PPP2R3A: variants seen among roughly 807,000 people sequenced by gnomAD.
The protein encoded by PPP2R3A is serine/threonine-protein phosphatase 2A regulatory subunit B'' subunit alpha.
In PPP2R3A, 80 loss-of-function variants were observed where a neutral mutation model predicts 106.9. The ratio of observed to expected loss-of-function variants is 0.75; its 90% CI spans 0.62 to 0.90. PPP2R3A has a LOEUF of 0.90. Ranked by LOEUF, PPP2R3A falls within the 40% of genes least tolerant of loss-of-function variation. The pLI is 0.00. For synonymous variants in PPP2R3A, 483 were observed against 468.3 expected, an observed-to-expected ratio of 1.03 and a Z score of -0.41; for missense variants, 1,386 against 1,350.4, an observed-to-expected ratio of 1.03 and a Z score of -0.41.
In PPP2R3A at chr3:136,057,538, A is replaced by G. The variant is rs764817140; in HGVS notation, c.2469+8177A>G. 6.9e-4 allele frequency among the ~76,000 whole-genome samples: 105 copies of G among 152,128 alleles called. 3 individuals carry two copies. The highest frequency in any genetic ancestry group is 1.4e-3 in the Non-Finnish European group (93 of 67,988). ...GGGGAGGGAGAAGATGAAGGGAAAA[A>G]GAGAATATAAATGTATTTATTACCA... is the stretch of plus-strand genomic sequence containing the variant. On this transcript the variant is annotated intron_variant, in intron 5 of 13. Transcript: ENST00000264977.
At chr3:136,125,391 T>G (rs1258716370) in intron 13 of PPP2R3A, among the ~76,000 whole-genome samples, 1 of 152,072 alleles carries the variant, frequency 6.6e-6, no homozygotes, top group Non-Finnish European at 1.5e-5. Context: ...TGTCCAATAT[T>G]TAAGGGAAAA....
At chr3:136,071,137 G>A (rs1936417544) in intron 6 of PPP2R3A, among the ~76,000 whole-genome samples, 2 of 152,246 alleles carry the variant, frequency 1.3e-5, no homozygotes, top group Admixed American at 6.5e-5. Flanking sequence ...CATGCACTCT[G>A]CTCTAGCTCC....
intron 13 of PPP2R3A, among the ~76,000 whole-genome samples, chr3:136,129,242 T>G (rs1209742684): frequency 1.3e-5 from 2 of 151,672 alleles, no homozygotes; most frequent in Non-Finnish European, 2.9e-5. Context: ...GGTGGTTTTT[T>G]GAAAAAATCA....
intron 1 of PPP2R3A, among the ~76,000 whole-genome samples, chr3:135,989,716 A>G (rs16843600): frequency 0.023 from 3,551 of 152,198 alleles, 157 homozygotes; most frequent in African/African-American, 0.079. Flanking sequence ...CTTACCATAC[A>G]GCCTAACTTG....
intron 1 of PPP2R3A, among the ~76,000 whole-genome samples, chr3:135,967,800 T>C (rs748636315): frequency 6.6e-6 from 1 of 152,228 alleles, no homozygotes; most frequent in Non-Finnish European, 1.5e-5. Flanking sequence ...TTGAGTGTTA[T>C]CGTCCTCTGA....
intron 5 of PPP2R3A, among the ~76,000 whole-genome samples, chr3:136,059,679 A>G (rs1382241653): frequency 3.3e-5 from 5 of 152,244 alleles, no homozygotes; most frequent in Non-Finnish European, 7.3e-5. Context: ...CATGCCATGT[A>G]TGTTCATTGC....
intron 8 of PPP2R3A, among the ~76,000 whole-genome samples, chr3:136,087,245 GTCTCTC>G (rs34566151): frequency 0.049 from 3,716 of 75,080 alleles, 103 homozygotes; most frequent in African/African-American, 0.089. Flanking sequence ...CTCTAGTCGT[GTCTCTC>G]TCTCTCTCTC....
At chr3:136,045,417 C>A (rs959328540) in intron 4 of PPP2R3A, among the ~76,000 whole-genome samples, 8 of 152,200 alleles carry the variant, frequency 5.3e-5, no homozygotes, top group African/African-American at 1.9e-4. Context: ...AGAGCCCTTA[C>A]TCTCAGAGCA....
At chr3:136,054,044 T>G (rs530685186) in intron 5 of PPP2R3A, among the ~76,000 whole-genome samples, 47 of 152,170 alleles carry the variant, frequency 3.1e-4, no homozygotes, top group East Asian at 9.6e-4. Flanking sequence ...AGAATTTTTT[T>G]GGGGGGGAAA....
chr3:135,984,574 C>T (rs891802092), intron 1 of PPP2R3A, among the ~76,000 whole-genome samples: 3 of 152,028 alleles, frequency 2.0e-5, no homozygotes, highest in Admixed American at 6.6e-5. Context: ...ATGCCGTTCT[C>T]GCGATAGTAT....
rs142228509 is a variant in PPP2R3A, at chr3:136,146,395, A to G, written c.*1229A>G. 6.6e-6 allele frequency: 1 copy of G among 152,226 alleles called. No homozygotes were observed. The highest frequency in any genetic ancestry group is 6.5e-5 in the Admixed American group (1 of 15,290). 9.4% of individuals were successfully genotyped at this position (152,226 alleles called of 1,614,324 possible). A position where few individuals can be genotyped will look rare whatever the true frequency, so the allele number is the denominator to read the frequency against. On this transcript the variant is annotated 3_prime_UTR_variant, in exon 14 of 14. Coordinates refer to ENST00000264977, the MANE Select transcript of PPP2R3A (RefSeq NM_002718.5). ...TTTCCCCTAGATTTTTTTTTTAACTAGTTCTGAAAGTGTCAAGAATAGCTT... is the reference window on the plus strand; with the variant it reads ...TTTCCCCTAGATTTTTTTTTTAACTGGTTCTGAAAGTGTCAAGAATAGCTT...
intron 3 of PPP2R3A, among the ~76,000 whole-genome samples, chr3:136,031,119 A>T (rs1181321976): frequency 6.6e-6 from 1 of 152,178 alleles, no homozygotes; most frequent in East Asian, 1.9e-4. Flanking sequence ...CACTGCAGCC[A>T]TGCCAACATC....
intron 1 of PPP2R3A, among the ~76,000 whole-genome samples, chr3:135,979,403 A>G (rs374555345): frequency 1.3e-5 from 2 of 151,944 alleles, no homozygotes; most frequent in East Asian, 3.9e-4. Flanking sequence ...TTGTCAAATA[A>G]AAGGTTGAGA....
At chr3:136,112,776 T>C (rs1937614333) in intron 13 of PPP2R3A, among the ~76,000 whole-genome samples, 1 of 152,164 alleles carries the variant, frequency 6.6e-6, no homozygotes, top group Non-Finnish European at 1.5e-5. Context: ...ATCTACAGAT[T>C]CAGTGCTATT....
intron 13 of PPP2R3A, among the ~76,000 whole-genome samples, chr3:136,111,438 A>T (rs947801994): frequency 1.8e-4 from 28 of 152,278 alleles, no homozygotes; most frequent in Middle Eastern, 6.8e-3. Flanking sequence ...AAAAACTCAA[A>T]CTACTTGAAA....
chr3:136,090,637 T>C lies in PPP2R3A; in HGVS notation c.2897T>C (p.Ile966Thr), dbSNP rs746871388. Reference sequence around the variant, plus strand: ...TATGCAGATTTTGTTTGGTTTTTGATCTCTGAAGAAGACAAAAGGAATCCT... The same window carrying C: ...TATGCAGATTTTGTTTGGTTTTTGACCTCTGAAGAAGACAAAAGGAATCCT... ...MSYADFVWFL[I>T]SEEDKRNPTS... The change falls in exon 10 of 14, where the codon ATC becomes ACC. Residue 966 changes from isoleucine (I) to threonine (T), a missense_variant. Transcript: ENST00000264977. 3.1e-6 allele frequency: 5 copies of C among 1,613,556 alleles called. No individual in the cohort carries two copies. The highest frequency in any genetic ancestry group is 1.7e-5 in the Admixed American group (1 of 59,990).
intron 13 of PPP2R3A, among the ~76,000 whole-genome samples, chr3:136,142,014 A>G: frequency 6.6e-6 from 1 of 152,186 alleles, no homozygotes; most frequent in East Asian, 1.9e-4. Context: ...CTGTTCTGAA[A>G]GAGCCATCTA....
chr3:136,026,316 A>G (rs1289948010), intron 2 of PPP2R3A, among the ~76,000 whole-genome samples: 1 of 152,170 alleles, frequency 6.6e-6, no homozygotes, highest in Non-Finnish European at 1.5e-5. Flanking sequence ...TTTTCTCAGC[A>G]TCAAGGGCTG....
At chr3:136,064,781 A>T (rs888432876) in intron 5 of PPP2R3A, among the ~76,000 whole-genome samples, 11 of 152,210 alleles carry the variant, frequency 7.2e-5, no homozygotes, top group African/African-American at 2.7e-4. Flanking sequence ...TCCTTTGAAC[A>T]TTCCAAGACC....
Sources: gnomAD v4.1 joint callset for allele counts (sites outside exome capture counted in the v4.1 genomes callset) on GRCh38, gnomAD v4.1.1 for gene constraint, MANE v1.5 for transcripts, NCBI Gene and HGNC (gene_info 2026-07-23, HGNC 2026-07-21) for gene names.